Variants in AIMP1 observed in about 807,000 individuals in gnomAD.
AIMP1 encodes aminoacyl tRNA synthase complex-interacting multifunctional protein 1.
Under a neutral mutation model 33.1 loss-of-function variants are expected in AIMP1, and 24 were observed. That is an observed-to-expected ratio of 0.73 (90% CI 0.53 to 1.02). The LOEUF (loss-of-function observed/expected upper bound fraction) is 1.02. Ranked by LOEUF, AIMP1 falls within the 50% of genes least tolerant of loss-of-function variation. AIMP1 has a pLI of 0.00. For synonymous variants in AIMP1, 120 were observed against 121.5 expected (o/e 0.99, Z 0.08); for missense variants, 367 against 364.8 (o/e 1.01, Z -0.05).
rs1579651430 is a variant in AIMP1, at chr4:106,349,096, T to C, written c.*1404T>C. ...GGATATATTATAGTACCATTATCAA[T>C]GTGATATTCTGAAAATATGAACTGA... On this transcript the variant is annotated 3_prime_UTR_variant, in exon 7 of 7. Coordinates refer to ENST00000672341, the MANE Select transcript of AIMP1 (RefSeq NM_001142416.2). 3 of 152,188 alleles carry C rather than the reference T, an allele frequency of 2.0e-5. No homozygotes were observed. Among genetic ancestry groups the C allele is most frequent in the African/African-American group, 7.2e-5 (3 of 41,546 alleles). The allele number at this position is 152,188 out of a possible 1,614,324, so 9.4% of individuals were successfully genotyped here.
At chr4:106,347,240 A>G (rs1455034852) in intron 6 of AIMP1, among the ~76,000 whole-genome samples, 2 of 152,140 alleles carry the variant, frequency 1.3e-5, no homozygotes, top group Admixed American at 6.6e-5. Context: ...ACATTTTATT[A>G]TTTTGATAAT....
At chr4:106,339,456 A>G (rs929206200) in intron 6 of AIMP1, among the ~76,000 whole-genome samples, 3 of 151,794 alleles carry the variant, frequency 2.0e-5, no homozygotes, top group Admixed American at 6.6e-5. Context: ...TAAAAGGGCA[A>G]TTCCCCTACA....
chr4:106,333,115 C>T (rs1052751889), intron 5 of AIMP1, among the ~76,000 whole-genome samples: 32 of 150,536 alleles, frequency 2.1e-4, no homozygotes, highest in African/African-American at 7.1e-4. Flanking sequence ...AACACAGTTT[C>T]AACCATTCCA....
intron 6 of AIMP1, among the ~76,000 whole-genome samples, chr4:106,341,038 C>A (rs115610937): frequency 6.6e-6 from 1 of 151,956 alleles, no homozygotes; most frequent in Admixed American, 6.6e-5. Context: ...TATTTGTTGG[C>A]GACATATATG....
intron 6 of AIMP1, among the ~76,000 whole-genome samples, chr4:106,340,796 G>A (rs1293559365): frequency 1.3e-5 from 2 of 152,144 alleles, no homozygotes; most frequent in African/African-American, 4.8e-5. Context: ...TTTTCTTTGA[G>A]TATATACCCA....
chr4:106,342,451 T>C (rs934569398), intron 6 of AIMP1, among the ~76,000 whole-genome samples: 1 of 152,168 alleles, frequency 6.6e-6, no homozygotes, highest in Admixed American at 6.5e-5. Context: ...TATTTTGAGG[T>C]GTGTTCCTTT....
At chr4:106,342,126 T>A (rs1770120862) in intron 6 of AIMP1, among the ~76,000 whole-genome samples, 1 of 152,234 alleles carries the variant, frequency 6.6e-6, no homozygotes, top group African/African-American at 2.4e-5. Context: ...TGCTGATTTT[T>A]GTGCATTGAT....
intron 1 of AIMP1, among the ~76,000 whole-genome samples, chr4:106,317,307 G>A (rs769453917): frequency 1.3e-5 from 2 of 152,202 alleles, no homozygotes; most frequent in Non-Finnish European, 2.9e-5. Flanking sequence ...AGGCCTGTAG[G>A]GCAGAGTTGA....
chr4:106,347,616 AC>A lies in AIMP1; in HGVS notation c.864del (p.Tyr288Ter). On this transcript the variant is annotated frameshift_variant, in exon 7 of 7. Coordinates refer to ENST00000672341, the MANE Select transcript of AIMP1 (RefSeq NM_001142416.2). LOFTEE classifies it high-confidence loss of function. ...ACTAATGATGAGTGTGTGGCTACAT[AC>A]AAAGGAGTTCCCTTTGAGGTGAAAG... The part of the protein sequence containing the change: ...LHTNDECVAT[Y>X]KGVPFEVKGK... 6.2e-7 allele frequency: 1 copy of A among 1,613,438 alleles called. No individual in the cohort carries two copies. Among genetic ancestry groups the A allele is most frequent in the Non-Finnish European group, 8.5e-7 (1 of 1,179,638 alleles).
At chr4:106,330,747 T>G (rs191257857) in intron 4 of AIMP1, among the ~76,000 whole-genome samples, 1 of 152,346 alleles carries the variant, frequency 6.6e-6, no homozygotes, top group East Asian at 1.9e-4. Flanking sequence ...AAAGATTAAA[T>G]AAATGTATAG....
In AIMP1 at chr4:106,348,928, T is replaced by C. The variant is rs1160580164; in HGVS notation, c.*1236T>C. The C allele has an allele frequency of 6.6e-6, 1 of 152,054 alleles. No homozygotes were observed. The highest frequency in any genetic ancestry group is 1.5e-5 in the Non-Finnish European group (1 of 67,992). The allele number at this position is 152,054 out of a possible 1,614,324, so 9.4% of individuals were successfully genotyped here. ...ACACAAAACATTTTAGCATTATAGC[T>C]GTCTGAATCCTTCAATAAGAAGGAG... On this transcript the variant is annotated 3_prime_UTR_variant, in exon 7 of 7. Transcript: ENST00000672341.
At chr4:106,327,198 G>A (rs1769484975) in intron 2 of AIMP1, among the ~76,000 whole-genome samples, 1 of 152,100 alleles carries the variant, frequency 6.6e-6, no homozygotes, top group South Asian at 2.1e-4. Flanking sequence ...ATAGGAGCTA[G>A]GAAAATGATT....
chr4:106,325,988 A>G (rs2125921289), intron 2 of AIMP1, among the ~76,000 whole-genome samples: 1 of 152,276 alleles, frequency 6.6e-6, no homozygotes, highest in East Asian at 1.9e-4. Flanking sequence ...CCCATGATTC[A>G]CATACATGGA....
upstream of AIMP1, chr4:106,315,581 CGACT>C (rs1768723463): frequency 2.0e-5 from 3 of 152,168 alleles, no homozygotes; most frequent in South Asian, 2.1e-4. Flanking sequence ...TACACTTTGA[CGACT>C]GACTAAACCT....
At chr4:106,329,218 T>G (rs1769573030) in intron 4 of AIMP1, among the ~76,000 whole-genome samples, 1 of 152,202 alleles carries the variant, frequency 6.6e-6, no homozygotes, top group Non-Finnish European at 1.5e-5. Context: ...CTAGGTGGTA[T>G]GATTACAATG....
intron 6 of AIMP1, among the ~76,000 whole-genome samples, chr4:106,338,653 C>A (rs1315403708): frequency 1.3e-5 from 2 of 152,210 alleles, no homozygotes; most frequent in Non-Finnish European, 2.9e-5. Context: ...TCTACTAAGA[C>A]AGTGCAGAAA....
chr4:106,319,798 A>G (rs957268134), intron 1 of AIMP1, among the ~76,000 whole-genome samples: 2 of 152,320 alleles, frequency 1.3e-5, no homozygotes, highest in East Asian at 1.9e-4. Flanking sequence ...ATACTAGTTC[A>G]AATAAATGTT....
In AIMP1 at chr4:106,342,643, G is replaced by A. The variant is rs1367280503; in HGVS notation, c.773-4883G>A. Among the ~76,000 whole-genome samples the A allele has an allele frequency of 2.6e-5, 4 of 152,294 alleles. No homozygotes were observed. The South Asian group carries it at 8.3e-4, about 32-fold the overall frequency. ...TCCCAGAAATAAAGCCTACTTGATT[G>A]TGGTATATTGCTTTTTGATGTGCTG... On this transcript the variant is annotated intron_variant, in intron 6 of 6. Transcript: ENST00000672341.
chr4:106,328,016 A>T, intron 3 of AIMP1, 60 bp from the exon 4 acceptor site: 1 of 1,594,408 alleles, frequency 6.3e-7, no homozygotes, highest in Non-Finnish European at 8.6e-7. Context: ...TCACAATTTC[A>T]TATTTTTTGT....
Sources: allele counts gnomAD v4.1 joint callset (sites outside exome capture counted in the v4.1 genomes callset), GRCh38; gene constraint gnomAD v4.1.1; transcripts MANE v1.5; gene names NCBI Gene and HGNC (gene_info 2026-07-23, HGNC 2026-07-21).